ELP4: variants seen among roughly 807,000 people sequenced by gnomAD.
The protein encoded by ELP4 is elongator complex protein 4.
A neutral mutation model predicts 48.9 loss-of-function variants in ELP4; 51 were observed. The ratio of observed to expected loss-of-function variants is 1.04; its 90% CI spans 0.83 to 1.32. The LOEUF (loss-of-function observed/expected upper bound fraction) is 1.32. ELP4 is among the 40% of genes most tolerant of loss of function. The pLI is 0.00. For synonymous variants in ELP4, 210 were observed against 189.2 expected, an observed-to-expected ratio of 1.11 and a Z score of -0.90; for missense variants, 519 against 514.6, an observed-to-expected ratio of 1.01 and a Z score of -0.08.
At chr11:31,603,174 C>T (rs1957813491) in intron 4 of ELP4, among the ~76,000 whole-genome samples, 1 of 151,832 alleles carries the variant, frequency 6.6e-6, no homozygotes, top group Non-Finnish European at 1.5e-5. Flanking sequence ...CATTCTTCCA[C>T]TTTATCATGT....
chr11:31,768,197 A>C (rs950764028), intron 9 of ELP4, among the ~76,000 whole-genome samples: 1 of 152,218 alleles, frequency 6.6e-6, no homozygotes, highest in African/African-American at 2.4e-5. Flanking sequence ...TAAAGTATTC[A>C]TGACAATATT....
intron 9 of ELP4, among the ~76,000 whole-genome samples, chr11:31,726,868 T>A (rs1404448103): frequency 6.6e-6 from 1 of 152,336 alleles, no homozygotes; most frequent in East Asian, 1.9e-4. Flanking sequence ...AATACTATGT[T>A]TTTCTATAAT....
Position 31,539,746 on chromosome 11 carries a change from T to C in ELP4, c.344T>C (p.Val115Ala). 6.2e-7 allele frequency: 1 copy of C among 1,612,210 alleles called. No homozygotes were observed. Among genetic ancestry groups the C allele is most frequent in the Non-Finnish European group, 8.5e-7 (1 of 1,179,164 alleles). Residue 115 changes from valine (V) to alanine (A), a missense_variant, in exon 3 of 10, where the codon GTT becomes GCT. By Grantham distance (64) the Val-to-Ala change is moderately conservative. Coordinates refer to ENST00000640961, the MANE Select transcript of ELP4 (RefSeq NM_019040.5). ...EGIVNGHTLL[V>A]ASAKEDPANI... Reference sequence around the variant, plus strand: ...ATTGTCAATGGGCATACTTTGTTGGTTGCATCTGCTAAAGAGGATCCTGCC... The same window carrying C: ...ATTGTCAATGGGCATACTTTGTTGGCTGCATCTGCTAAAGAGGATCCTGCC...
At chr11:31,620,463 A>G (rs533823572) in intron 5 of ELP4, among the ~76,000 whole-genome samples, 1 of 152,134 alleles carries the variant, frequency 6.6e-6, no homozygotes, top group East Asian at 1.9e-4. Flanking sequence ...AGGGGTGTGC[A>G]TGAAATTGAG....
chr11:31,552,079 ATC>A (rs1956862784), intron 3 of ELP4, among the ~76,000 whole-genome samples: 1 of 152,150 alleles, frequency 6.6e-6, no homozygotes, highest in Non-Finnish European at 1.5e-5. Flanking sequence ...GACTTGCCTC[ATC>A]AATAGCACTT....
chr11:31,695,523 G>T lies in ELP4; in HGVS notation c.1143+45302G>T, dbSNP rs1452453017. 2.6e-5 allele frequency among the ~76,000 whole-genome samples: 4 copies of T among 151,458 alleles called. No individual in the cohort carries two copies. The East Asian group carries it at 7.7e-4, about 29-fold the overall frequency. On this transcript the variant is annotated intron_variant, in intron 9 of 9. Coordinates refer to ENST00000640961, the MANE Select transcript of ELP4 (RefSeq NM_019040.5). ...GGGATGAAGACAACTTGATCGTGGT[G>T]TATAAGCTTTTTGATGTGCTGCTGG...
chr11:31,650,099 A>T lies in ELP4; in HGVS notation c.1037-16A>T, dbSNP rs1361393241. 1 of 1,116,454 alleles carries T rather than the reference A, an allele frequency of 9.0e-7. No individual in the cohort carries two copies. Among genetic ancestry groups the T allele is most frequent in the Non-Finnish European group, 1.3e-6 (1 of 748,682 alleles). 69.2% of individuals were successfully genotyped at this position (1,116,454 alleles called of 1,614,324 possible). A position where few individuals can be genotyped will look rare whatever the true frequency, so the allele number is the denominator to read the frequency against. On this transcript the variant is annotated splice_polypyrimidine_tract_variant and intron_variant, in intron 8 of 9. Coordinates refer to ENST00000640961, the MANE Select transcript of ELP4 (RefSeq NM_019040.5). Reference sequence around the variant, plus strand: ...AATGTTTTAAATTTTTTTTCTTTTAATTTCTTTTCCACAAGGATTGATTCA... The same window carrying T: ...AATGTTTTAAATTTTTTTTCTTTTATTTTCTTTTCCACAAGGATTGATTCA...
At chr11:31,536,170 A>G (rs2133900994) in intron 2 of ELP4, among the ~76,000 whole-genome samples, 1 of 152,102 alleles carries the variant, frequency 6.6e-6, no homozygotes, top group African/African-American at 2.4e-5. Context: ...TAGTTGATGG[A>G]CATTTTATTT....
At chr11:31,665,358 C>A (rs1945649285) in intron 9 of ELP4, among the ~76,000 whole-genome samples, 1 of 152,124 alleles carries the variant, frequency 6.6e-6, no homozygotes, top group East Asian at 1.9e-4. Flanking sequence ...CTCTCGCTCT[C>A]TCTCTCTAGT....
In ELP4 at chr11:31,647,759, C is replaced by G. The variant is rs764805051; in HGVS notation, c.946C>G (p.Arg316Gly). The change falls in exon 8 of 10, where the codon CGT becomes GGT. Residue 316 changes from arginine (R) to glycine (G), a missense_variant. By Grantham distance (125) the Arg-to-Gly change is moderately radical (BLOSUM62 -2). Coordinates refer to ENST00000640961, the MANE Select transcript of ELP4 (RefSeq NM_019040.5). ...HLIQNKAIIA[R>G]VTTLSDVVVG... is the part of the protein sequence containing the mutation. The stretch of plus-strand genomic sequence containing the variant: ...TTTGCAGAATAAAGCCATTATTGCC[C>G]GTGTCACAACCTTGTCAGATGTAGT... 6.2e-7 allele frequency: 1 copy of G among 1,607,356 alleles called. No homozygotes were observed. Among genetic ancestry groups the G allele is most frequent in the African/African-American group, 1.3e-5 (1 of 74,534 alleles).
intron 3 of ELP4, among the ~76,000 whole-genome samples, chr11:31,588,328 G>A (rs1038337293): frequency 1.3e-5 from 2 of 152,124 alleles, no homozygotes; most frequent in Admixed American, 6.5e-5. Flanking sequence ...GGTAGGATAT[G>A]CACATTTTCA....
At chr11:31,559,842 G>A (rs1956985849) in intron 3 of ELP4, among the ~76,000 whole-genome samples, 1 of 151,388 alleles carries the variant, frequency 6.6e-6, no homozygotes, top group Admixed American at 6.6e-5. Flanking sequence ...GGCAGAGGTT[G>A]CGGCGAGCTG....
chr11:31,768,313 A>C (rs1393437550), intron 9 of ELP4, among the ~76,000 whole-genome samples: 1 of 152,230 alleles, frequency 6.6e-6, no homozygotes, highest in East Asian at 1.9e-4. Context: ...TTTAAATTTG[A>C]AGCAAGTGAA....
At chr11:31,680,987 T>C (rs1946040141) in intron 9 of ELP4, among the ~76,000 whole-genome samples, 1 of 152,188 alleles carries the variant, frequency 6.6e-6, no homozygotes, top group South Asian at 2.1e-4. Context: ...AAAGATAAAG[T>C]GTGATCATAC....
chr11:31,570,121 C>A (rs1302230114), intron 3 of ELP4, among the ~76,000 whole-genome samples: 1 of 152,140 alleles, frequency 6.6e-6, no homozygotes, highest in Non-Finnish European at 1.5e-5. Context: ...AGGTGCCCGT[C>A]AACAGTGGAC....
chr11:31,601,740 C>G (rs1054375923), intron 4 of ELP4, among the ~76,000 whole-genome samples: 1 of 152,104 alleles, frequency 6.6e-6, no homozygotes, highest in South Asian at 2.1e-4. Context: ...CTTTCTTTCT[C>G]TCTCCCCATG....
Position 31,665,803 on chromosome 11 carries a change from C to T in ELP4, c.1143+15582C>T, listed in dbSNP as rs549159994. Among the ~76,000 whole-genome samples the T allele has an allele frequency of 1.0e-4, 15 of 149,796 alleles. No homozygotes were observed. The South Asian group carries it at 3.0e-3, about 30-fold the overall frequency. On this transcript the variant is annotated intron_variant, in intron 9 of 9. Coordinates refer to ENST00000640961, the MANE Select transcript of ELP4 (RefSeq NM_019040.5). ...CCAAGTAGCTGGGACTACAGGCATG[C>T]GCCACCATGCCCAGCTAATTTTTCT...
chr11:31,611,901 C>G (rs1026704409), intron 5 of ELP4, among the ~76,000 whole-genome samples: 1 of 152,170 alleles, frequency 6.6e-6, no homozygotes, highest in African/African-American at 2.4e-5. Flanking sequence ...TGTGTTCACT[C>G]AAAGTCTTTC....
chr11:31,616,905 A>C (rs1004218569), intron 5 of ELP4, among the ~76,000 whole-genome samples: 5 of 152,258 alleles, frequency 3.3e-5, no homozygotes, highest in African/African-American at 1.2e-4. Flanking sequence ...AAAATAGGAA[A>C]GGAAAAAGTA....
Sources: gnomAD v4.1 joint callset for allele counts (sites outside exome capture counted in the v4.1 genomes callset) on GRCh38, gnomAD v4.1.1 for gene constraint, MANE v1.5 for transcripts, NCBI Gene and HGNC (gene_info 2026-07-23, HGNC 2026-07-21) for gene names.